SEC24D: variants seen among roughly 807,000 people sequenced by gnomAD.
The protein encoded by SEC24D is SEC24 homolog D, COPII component, also known as protein transport protein Sec24D.
SEC24D carries 69 observed loss-of-function variants against 116.9 expected under a neutral mutation model. The observed-to-expected ratio is 0.59, with a 90% CI of 0.49 to 0.72. The LOEUF is 0.72. Ranked by LOEUF, SEC24D falls within the 30% of genes least tolerant of loss-of-function variation. The probability of loss-of-function intolerance (pLI) is 0.00; values close to 1 mark genes in which losing one functional copy is unlikely to be tolerated. For synonymous variants in SEC24D, 405 were observed against 442.8 expected, an observed-to-expected ratio of 0.91 and a Z score of 1.07; for missense variants, 1,131 against 1,264.1, an observed-to-expected ratio of 0.89 and a Z score of 1.60.
intron 3 of SEC24D, among the ~76,000 whole-genome samples, chr4:118,823,027 C>T (rs1730460311): frequency 6.6e-6 from 1 of 152,126 alleles, no homozygotes; most frequent in Non-Finnish European, 1.5e-5. Flanking sequence ...TCTATATTCT[C>T]ATTTTACAAG....
At chr4:118,736,567 G>GAACT (rs1725970059) in intron 19 of SEC24D, 2 of 336,476 alleles carry the variant, frequency 5.9e-6, no homozygotes, top group South Asian at 5.0e-5. Context: ...TTTCACAAGT[G>GAACT]AACTGTAGGA....
intron 22 of SEC24D, among the ~76,000 whole-genome samples, 171 bp from the exon 23 acceptor site, chr4:118,723,826 CCCCGAA>C (rs1469293788): frequency 6.6e-6 from 1 of 152,066 alleles, no homozygotes; most frequent in Non-Finnish European, 1.5e-5. Flanking sequence ...GAGGCATGGA[CCCCGAA>C]ACCCCAAAAC....
intron 15 of SEC24D, among the ~76,000 whole-genome samples, chr4:118,742,945 GT>G (rs370901688): frequency 0.011 from 1,711 of 152,162 alleles, 30 homozygotes; most frequent in African/African-American, 0.038. Context: ...TCAATACAGT[GT>G]TTTTTTCAAG....
intron 8 of SEC24D, among the ~76,000 whole-genome samples, chr4:118,792,896 A>AAAAAC (rs1359980891): frequency 6.6e-6 from 1 of 152,206 alleles, no homozygotes; most frequent in Non-Finnish European, 1.5e-5. Context: ...ATAAATACTA[A>AAAAAC]AAAACAAAAC....
intron 14 of SEC24D, 142 bp downstream of exon 14, chr4:118,744,802 C>T (rs1726422214): frequency 1.9e-6 from 1 of 529,078 alleles, no homozygotes; most frequent in Non-Finnish European, 3.4e-6. Context: ...GTCTGTAATC[C>T]AAAATATTCC....
chr4:118,814,421 A>G (rs1730051011), intron 6 of SEC24D, among the ~76,000 whole-genome samples: 1 of 152,236 alleles, frequency 6.6e-6, no homozygotes, highest in Non-Finnish European at 1.5e-5. Context: ...CAGCTGCCAC[A>G]GCCTACATGT....
chr4:118,780,648 G>A (rs1427046752), intron 8 of SEC24D, among the ~76,000 whole-genome samples: 8 of 152,246 alleles, frequency 5.3e-5, no homozygotes, highest in African/African-American at 1.9e-4. Context: ...TCAAGTCCTG[G>A]ATATCCTTGT....
chr4:118,804,917 CACACACAT>C lies in SEC24D; in HGVS notation c.913+918_913+925del, dbSNP rs1188232804. ...ACACACACACACACACACACACACACACACACATATACAAAGACTCATGTACACAGTCA... is the reference window on the plus strand; with the variant it reads ...ACACACACACACACACACACACACACATACAAAGACTCATGTACACAGTCA... On this transcript the variant is annotated intron_variant, in intron 7 of 22. Transcript: ENST00000280551. Among the ~76,000 whole-genome samples the C allele has an allele frequency of 2.0e-5, 3 of 151,042 alleles. No homozygotes were observed. The South Asian group carries it at 6.3e-4, about 32-fold the overall frequency.
chr4:118,727,072 G>A (rs1490927673), intron 22 of SEC24D, among the ~76,000 whole-genome samples: 1 of 152,206 alleles, frequency 6.6e-6, no homozygotes, highest in East Asian at 1.9e-4. Context: ...CCAGTTGTGA[G>A]ACCCGGACCA....
At chr4:118,755,424 T>A (rs556411993) in intron 11 of SEC24D, among the ~76,000 whole-genome samples, 2 of 151,562 alleles carry the variant, frequency 1.3e-5, no homozygotes, top group South Asian at 4.2e-4. Context: ...GATCAAGCAT[T>A]TGGAACGTTT....
chr4:118,757,608 C>T (rs1460013536), intron 11 of SEC24D, 113 bp downstream of exon 11: 3 of 833,054 alleles, frequency 3.6e-6, no homozygotes, highest in Non-Finnish European at 5.7e-6. Context: ...GACTAATTAC[C>T]CAGTGTCCTC....
At chr4:118,753,661 T>C (rs1025834243) in intron 11 of SEC24D, among the ~76,000 whole-genome samples, 2 of 151,966 alleles carry the variant, frequency 1.3e-5, no homozygotes, top group Non-Finnish European at 2.9e-5. Flanking sequence ...CTATAGTGAG[T>C]ACCTTCAGAA....
chr4:118,830,088 T>G (rs969409980), intron 2 of SEC24D, among the ~76,000 whole-genome samples: 3 of 152,218 alleles, frequency 2.0e-5, no homozygotes, highest in Non-Finnish European at 4.4e-5. Context: ...ATATAAGAGC[T>G]GGAGTAATTT....
chr4:118,734,403 G>T (rs1725853066), intron 19 of SEC24D, among the ~76,000 whole-genome samples: 1 of 151,748 alleles, frequency 6.6e-6, no homozygotes, highest in African/African-American at 2.4e-5. Flanking sequence ...AGTAGAGATG[G>T]GGTTTCGCCA....
chr4:118,770,691 T>C (rs1727859889), intron 8 of SEC24D, among the ~76,000 whole-genome samples: 1 of 152,190 alleles, frequency 6.6e-6, no homozygotes, highest in South Asian at 2.1e-4. Flanking sequence ...TTGACCTTAT[T>C]ATCACTGATA....
At chr4:118,729,623 G>C (rs537008927) in intron 21 of SEC24D, 1 of 152,178 alleles carries the variant, frequency 6.6e-6, no homozygotes, top group Non-Finnish European at 1.5e-5. Flanking sequence ...TGGTCTACAG[G>C]CCAATCCAGC....
chr4:118,797,907 G>T, intron 7 of SEC24D, 97 bp from the exon 8 acceptor site: 2 of 904,664 alleles, frequency 2.2e-6, no homozygotes, highest in Non-Finnish European at 3.1e-6. Context: ...ATAATGCATT[G>T]CATTATTTCT....
chr4:118,746,167 C>T (rs1726515419), intron 13 of SEC24D, among the ~76,000 whole-genome samples: 1 of 135,364 alleles, frequency 7.4e-6, no homozygotes, highest in South Asian at 2.4e-4. Context: ...CAGCAAGATC[C>T]TGTCTCAAAC....
chr4:118,773,374 C>A (rs1727995982), intron 8 of SEC24D, among the ~76,000 whole-genome samples: 1 of 152,144 alleles, frequency 6.6e-6, no homozygotes, highest in Non-Finnish European at 1.5e-5. Flanking sequence ...AGTTTTCTAG[C>A]CTGATTAAGG....
Sources: gnomAD v4.1 joint callset for allele counts (sites outside exome capture counted in the v4.1 genomes callset) on GRCh38, gnomAD v4.1.1 for gene constraint, MANE v1.5 for transcripts, NCBI Gene and HGNC (gene_info 2026-07-23, HGNC 2026-07-21) for gene names.